Variants in LONRF2 observed in about 807,000 individuals in gnomAD.
LONRF2 encodes the protein LON peptidase N-terminal domain and ring finger 2, also known as LON peptidase N-terminal domain and RING finger protein 2.
A neutral mutation model predicts 66.6 loss-of-function variants in LONRF2; 35 were observed. The observed-to-expected ratio is 0.53, with a 90% CI of 0.40 to 0.70. LONRF2 has a LOEUF of 0.70. Ranked by LOEUF, LONRF2 falls within the 30% of genes least tolerant of loss-of-function variation. The pLI, the probability that LONRF2 is intolerant of heterozygous loss-of-function variation, is 0.00. For missense variants in LONRF2, 902 were observed against 1,002.1 expected (o/e 0.90, Z 1.35); for synonymous variants, 417 against 418.1 (o/e 1.00, Z 0.03).
chr2:100,284,043 C>T lies in LONRF2; in HGVS notation c.*255G>A, dbSNP rs180983102. The T allele has an allele frequency of 2.5e-4, 92 of 374,098 alleles. No homozygotes were observed. The highest frequency in any genetic ancestry group is 1.8e-3 in the African/African-American group (85 of 48,378). The allele number at this position is 374,098 out of a possible 1,614,324, so 23.2% of individuals were successfully genotyped here. On this transcript the variant is annotated 3_prime_UTR_variant, in exon 12 of 12. Coordinates refer to ENST00000393437, the MANE Select transcript of LONRF2 (RefSeq NM_198461.4). ...TCAGTGAACTGCATTCCCCAAGCAC[C>T]TGCTTCTAAGAGATTTTCTTAGGTT...
At chr2:100,284,776 A>T (rs1674811607) in intron 11 of LONRF2, among the ~76,000 whole-genome samples, 1 of 152,244 alleles carries the variant, frequency 6.6e-6, no homozygotes, top group South Asian at 2.1e-4. Flanking sequence ...CTTTCAGTTA[A>T]GAGTATATAC....
At position 100,272,045 on chromosome 2, in the gene LONRF2, G is replaced by A. The variant is rs915913068; in HGVS notation, c.*12253C>T. ...CTTCATCAGAGGTTTTCCCAGATTT[G>A]ACAACCATCCTATTTAAATGACATT... On this transcript the variant is annotated 3_prime_UTR_variant, in exon 12 of 12. Transcript: ENST00000393437. Among the ~76,000 whole-genome samples, 1 of 152,180 alleles carries A rather than the reference G, an allele frequency of 6.6e-6. No homozygotes were observed. Among genetic ancestry groups the A allele is most frequent in the African/African-American group, 2.4e-5 (1 of 41,446 alleles).
rs1225961748 is a variant in LONRF2, at chr2:100,298,866, G to T, written c.1446C>A (p.His482Gln). 6.2e-7 allele frequency: 1 copy of T among 1,614,146 alleles called. No individual in the cohort carries two copies. Among genetic ancestry groups the T allele is most frequent in the South Asian group, 1.1e-5 (1 of 91,078 alleles). The stretch of plus-strand genomic sequence containing the variant: ...AAAGTTTGTCTTTGCACAAAGGACA[G>T]TGTGGGGCGTGGTCAAGGCAGCGCT... ...CLERCLDHAP[H>Q]CPLCKDKLSE... The change falls in exon 7 of 12, where the codon CAC becomes CAA. Residue 482 changes from histidine (H) to glutamine (Q), a missense_variant. Physicochemically the swap from His to Gln is conservative, Grantham distance 24. Coordinates refer to ENST00000393437, the MANE Select transcript of LONRF2 (RefSeq NM_198461.4).
chr2:100,290,658 GC>G (rs779033509), intron 9 of LONRF2, among the ~76,000 whole-genome samples: 15 of 152,174 alleles, frequency 9.9e-5, no homozygotes, highest in Non-Finnish European at 1.8e-4. Context: ...CAGGACTTGT[GC>G]CTTAGCGGTT....
In LONRF2 at chr2:100,276,849, G is replaced by A. The variant is rs1053158068; in HGVS notation, c.*7449C>T. 3.3e-5 allele frequency: 5 copies of A among 152,182 alleles called. No homozygotes were observed. The highest frequency in any genetic ancestry group is 1.2e-4 in the African/African-American group (5 of 41,432). The allele number at this position is 152,182 out of a possible 1,614,324, so 9.4% of individuals were successfully genotyped here. On this transcript the variant is annotated 3_prime_UTR_variant, in exon 12 of 12. Coordinates refer to ENST00000393437, the MANE Select transcript of LONRF2 (RefSeq NM_198461.4). ...CTGCCGTTTGCCTTCTGCCCTGAGG[G>A]GCACATACACCTTTGCAGGCCACCC... is the stretch of plus-strand genomic sequence containing the variant.
At chr2:100,308,694 C>T (rs1346028753) in intron 2 of LONRF2, among the ~76,000 whole-genome samples, 1 of 152,172 alleles carries the variant, frequency 6.6e-6, no homozygotes, top group African/African-American at 2.4e-5. Flanking sequence ...AATGTTAACT[C>T]TTTCACCAAT....
intron 2 of LONRF2, among the ~76,000 whole-genome samples, chr2:100,304,825 G>A (rs1675260106): frequency 7.2e-6 from 1 of 138,178 alleles, no homozygotes; most frequent in Non-Finnish European, 1.5e-5. Context: ...TTGAGATGGG[G>A]TTTCACCATA....
Position 100,284,165 on chromosome 2 carries a change from T to G in LONRF2, c.*133A>C. Reference sequence around the variant, plus strand: ...ATTGTCATTTTTGAGGAGGACTCAATGTTTGGCAAGCGTCCCATTTTGGAA... The same window carrying G: ...ATTGTCATTTTTGAGGAGGACTCAAGGTTTGGCAAGCGTCCCATTTTGGAA... On this transcript the variant is annotated 3_prime_UTR_variant, in exon 12 of 12. Coordinates refer to ENST00000393437, the MANE Select transcript of LONRF2 (RefSeq NM_198461.4). 1 of 768,372 alleles carries G rather than the reference T, an allele frequency of 1.3e-6. No individual in the cohort carries two copies. Among genetic ancestry groups the G allele is most frequent in the South Asian group, 2.2e-5 (1 of 46,176 alleles). The allele number at this position is 768,372 out of a possible 1,614,324, so 47.6% of individuals were successfully genotyped here. A position where few individuals can be genotyped will look rare whatever the true frequency, so the allele number is the denominator to read the frequency against.
chr2:100,290,360 A>G lies in LONRF2; in HGVS notation c.1818T>C (p.Ser606=). The change falls in exon 10 of 12, where the codon AGT becomes AGC. Residue 606 remains serine, a synonymous_variant. Coordinates refer to ENST00000393437, the MANE Select transcript of LONRF2 (RefSeq NM_198461.4). ...IKDVRTFPDG[S]SVVDAIGISR... ...TGATGCCAATCGCGTCTACAACAGA[A>G]CTTCCATCAGGAAACGTTCTCACGT... 1.2e-6 allele frequency: 2 copies of G among 1,614,182 alleles called. No individual in the cohort carries two copies. Among genetic ancestry groups the G allele is most frequent in the Non-Finnish European group, 1.7e-6 (2 of 1,180,030 alleles).
At chr2:100,295,782 A>C (rs1480734810) in intron 7 of LONRF2, among the ~76,000 whole-genome samples, 1 of 152,164 alleles carries the variant, frequency 6.6e-6, no homozygotes, top group Non-Finnish European at 1.5e-5. Flanking sequence ...GAGGCAACTC[A>C]ATCTTGACAG....
In LONRF2 at chr2:100,284,957, T is replaced by C. The variant is rs573962578; in HGVS notation, c.2071-465A>G. The stretch of plus-strand genomic sequence containing the variant: ...CAAATGAGTGTATGTATGAAACATA[T>C]ATATGTATGCATGTCATATGCAAGA... On this transcript the variant is annotated intron_variant, in intron 11 of 11. Transcript: ENST00000393437. 5.3e-5 allele frequency among the ~76,000 whole-genome samples: 8 copies of C among 152,314 alleles called. No homozygotes were observed. The South Asian group carries it at 1.4e-3, about 28-fold the overall frequency.
intron 1 of LONRF2, among the ~76,000 whole-genome samples, chr2:100,316,487 C>T (rs1046809685): frequency 5.1e-4 from 77 of 151,340 alleles, no homozygotes; most frequent in African/African-American, 1.8e-3. Flanking sequence ...TGAAGATATT[C>T]TATTTATGTG....
intron 11 of LONRF2, among the ~76,000 whole-genome samples, chr2:100,285,402 GC>G (rs1297442795): frequency 6.6e-6 from 1 of 152,158 alleles, no homozygotes; most frequent in African/African-American, 2.4e-5. Flanking sequence ...TCTTTTCCCT[GC>G]CTCATCTCAC....
rs1207578716 is a variant in LONRF2, at chr2:100,283,136, C to T, written c.*1162G>A. On this transcript the variant is annotated 3_prime_UTR_variant, in exon 12 of 12. Transcript: ENST00000393437. ...GATTCAGTTATTCCAATCAATATCA[C>T]CAACGTGCATTACAGGATGGAAGTC... The T allele has an allele frequency of 6.6e-6, 1 of 152,158 alleles. No homozygotes were observed. The highest frequency in any genetic ancestry group is 1.9e-4 in the East Asian group (1 of 5,196). The allele number at this position is 152,158 out of a possible 1,614,324, so 9.4% of individuals were successfully genotyped here.
In LONRF2 at chr2:100,277,456, C is replaced by G. The variant is rs1221687078; in HGVS notation, c.*6842G>C. On this transcript the variant is annotated 3_prime_UTR_variant, in exon 12 of 12. Transcript: ENST00000393437. ...ATGCCTCCTTAACACAGGACAGAGT[C>G]AAGCCTGGGCCCTCTGGTGTATTCT... The G allele has an allele frequency of 6.6e-6, 1 of 152,244 alleles. No homozygotes were observed. The highest frequency in any genetic ancestry group is 2.4e-5 in the African/African-American group (1 of 41,436). 9.4% of individuals were successfully genotyped at this position (152,244 alleles called of 1,614,324 possible).
rs755842698 is a variant in LONRF2 at position 100,299,328 on chromosome 2, GA to G, written c.1268-10del. On this transcript the variant is annotated splice_polypyrimidine_tract_variant and intron_variant, in intron 5 of 11. Transcript: ENST00000393437. ...CCTTTGAAGTGAGAGATCTGAATGC[GA>G]AAAAATTTAAAACGCTGTAATTAAC... is the stretch of plus-strand genomic sequence containing the variant. 6.5e-7 allele frequency: 1 copy of G among 1,530,782 alleles called. No individual in the cohort carries two copies. The highest frequency in any genetic ancestry group is 2.1e-5 in the Admixed American group (1 of 46,784). 94.8% of individuals were successfully genotyped at this position (1,530,782 alleles called of 1,614,324 possible).
chr2:100,303,881 ATTTC>A, intron 2 of LONRF2, among the ~76,000 whole-genome samples: 1 of 151,750 alleles, frequency 6.6e-6, no homozygotes, highest in South Asian at 2.1e-4. Context: ...TTTACCCATT[ATTTC>A]TTCTTTTTTT....
At position 100,321,646 on chromosome 2, in the gene LONRF2, G is replaced by C; in HGVS notation, c.448C>G (p.Leu150Val). 7.2e-7 allele frequency: 1 copy of C among 1,394,264 alleles called. No homozygotes were observed. Among genetic ancestry groups the C allele is most frequent in the Non-Finnish European group, 9.3e-7 (1 of 1,074,654 alleles). 86.4% of individuals were successfully genotyped at this position (1,394,264 alleles called of 1,614,324 possible). Reference protein sequence around the residue: ...LLGCPRCRRLLHKPVTLPCGL... With the variant: ...LLGCPRCRRLVHKPVTLPCGL... Reference sequence around the variant, plus strand: ...CAGGGCAGCGTCACCGGCTTATGCAGCAGCCGCCGGCAGCGCGGGCAGCCG... The same window carrying C: ...CAGGGCAGCGTCACCGGCTTATGCACCAGCCGCCGGCAGCGCGGGCAGCCG... The change falls in exon 1 of 12, where the codon CTG (leucine) becomes GTG (valine). Residue 150 changes from leucine to valine, a missense_variant. Around this residue, in one of 2 missense-constraint regions of LONRF2, gnomAD observed 585 missense variants for 569.9 expected, o/e 1.03. Transcript: ENST00000393437.
In LONRF2 at chr2:100,321,796, C is replaced by A; in HGVS notation, c.298G>T (p.Gly100Cys). The A allele has an allele frequency of 9.4e-7, 1 of 1,067,976 alleles. No homozygotes were observed. Among genetic ancestry groups the A allele is most frequent in the Non-Finnish European group, 1.1e-6 (1 of 883,820 alleles). 66.2% of individuals were successfully genotyped at this position (1,067,976 alleles called of 1,614,324 possible). A position where few individuals can be genotyped will look rare whatever the true frequency, so the allele number is the denominator to read the frequency against. ...AGGCCCACGGCGCGCACCAGGCCGC[C>A]CGCCAGCTCTTCCAGCTCCTCCGGC... ...LRPEELEELA[G>C]GLVRAVGLRD... is the part of the protein sequence containing the mutation. The change falls in exon 1 of 12, where the codon GGC becomes TGC. Residue 100 changes from glycine (G) to cysteine (C), a missense_variant. Coordinates refer to ENST00000393437, the MANE Select transcript of LONRF2 (RefSeq NM_198461.4).
Sources: gnomAD v4.1 joint callset for allele counts (sites outside exome capture counted in the v4.1 genomes callset) on GRCh38, gnomAD v4.1.1 for gene constraint, gnomAD v4.1.1 regional missense constraint, MANE v1.5 for transcripts, NCBI Gene and HGNC (gene_info 2026-07-23, HGNC 2026-07-21) for gene names.